Variants in IL12RB2 observed in about 807,000 individuals in gnomAD.
The protein encoded by IL12RB2 is interleukin-12 receptor subunit beta-2.
IL12RB2 carries 82 observed loss-of-function variants against 89.4 expected under a neutral mutation model. The ratio of observed to expected loss-of-function variants is 0.92; its 90% CI spans 0.77 to 1.10. The LOEUF is 1.10. Ranked by LOEUF, IL12RB2 falls within the 50% of genes least tolerant of loss-of-function variation. The pLI, the probability that IL12RB2 is intolerant of heterozygous loss-of-function variation, is 0.00. For synonymous variants in IL12RB2, 368 were observed against 370.1 expected (o/e 0.99, Z 0.07); for missense variants, 963 against 1,031.9 (o/e 0.93, Z 0.92).
At chr1:67,336,187 G>A (rs534558193) in intron 8 of IL12RB2, among the ~76,000 whole-genome samples, 31 of 152,112 alleles carry the variant, frequency 2.0e-4, no homozygotes, top group Non-Finnish European at 4.3e-4. Flanking sequence ...CAGGGTCTTC[G>A]GGGAAAGCAA....
chr1:67,339,292 G>C (rs1659244339), intron 9 of IL12RB2, among the ~76,000 whole-genome samples: 1 of 152,064 alleles, frequency 6.6e-6, no homozygotes, highest in South Asian at 2.1e-4. Flanking sequence ...TTAGAGACCA[G>C]CCTGGCCAGC....
intron 15 of IL12RB2, among the ~76,000 whole-genome samples, chr1:67,388,725 G>C (rs145400989): frequency 6.6e-6 from 1 of 152,124 alleles, no homozygotes; most frequent in Non-Finnish European, 1.5e-5. Flanking sequence ...TATATTTTTA[G>C]AATTTCCTTA....
chr1:67,373,466 C>T (rs1663596494), intron 13 of IL12RB2, among the ~76,000 whole-genome samples: 1 of 152,166 alleles, frequency 6.6e-6, no homozygotes, highest in African/African-American at 2.4e-5. Context: ...TTTTAAATCC[C>T]CACATTTGCA....
chr1:67,349,826 T>G (rs898680809), intron 9 of IL12RB2, among the ~76,000 whole-genome samples: 6 of 152,236 alleles, frequency 3.9e-5, no homozygotes, highest in African/African-American at 1.4e-4. Context: ...GTATGCTAAT[T>G]GTTTCAGAAG....
At chr1:67,395,467 G>A (rs1666276849) in intron 16 of IL12RB2, 80 bp from the exon 17 acceptor site, 3 of 1,612,258 alleles carry the variant, frequency 1.9e-6, no homozygotes, top group Admixed American at 3.3e-5. Flanking sequence ...AGGTTGTGAG[G>A]CCTTTGGGAA....
chr1:67,345,472 C>T (rs1388749133), intron 9 of IL12RB2, among the ~76,000 whole-genome samples: 2 of 152,118 alleles, frequency 1.3e-5, no homozygotes, highest in Non-Finnish European at 2.9e-5. Flanking sequence ...TCTTTGGCCT[C>T]CTCATATGAA....
chr1:67,390,528 T>C lies in IL12RB2; in HGVS notation c.2046+400T>C, dbSNP rs1291292476. On this transcript the variant is annotated intron_variant, in intron 16 of 16. Coordinates refer to ENST00000674203, the MANE Select transcript of IL12RB2 (RefSeq NM_001374259.2). ...TTGAGTCATCCAAAATTCAAGAGAATTGAAGATTTTGATTTTCCTGTCTAA... is the reference window on the plus strand; with the variant it reads ...TTGAGTCATCCAAAATTCAAGAGAACTGAAGATTTTGATTTTCCTGTCTAA... Among the ~76,000 whole-genome samples, 10 of 146,870 alleles carry C rather than the reference T, an allele frequency of 6.8e-5. No homozygotes were observed. In the East Asian group the frequency reaches 2.1e-3, roughly 30 times the overall value.
intron 16 of IL12RB2, among the ~76,000 whole-genome samples, chr1:67,391,406 A>ACACAC (rs1265594501): frequency 5.2e-5 from 7 of 134,462 alleles, no homozygotes; most frequent in African/African-American, 1.2e-4. Flanking sequence ...CACACACACA[A>ACACAC]ACTGCTGTTT....
At chr1:67,310,616 T>C (rs572188347) in intron 1 of IL12RB2, among the ~76,000 whole-genome samples, 1 of 152,230 alleles carries the variant, frequency 6.6e-6, no homozygotes, top group Non-Finnish European at 1.5e-5. Flanking sequence ...TTTTTTCTTA[T>C]AATAATAGCA....
chr1:67,368,171 CT>C (rs1662917869), intron 11 of IL12RB2, 146 bp downstream of exon 11: 1 of 688,220 alleles, frequency 1.5e-6, no homozygotes, highest in Non-Finnish European at 2.6e-6. Flanking sequence ...CCCAGCAGCA[CT>C]TTAGACTACT....
rs147419406 is a variant in IL12RB2, at chr1:67,396,090, G to C, written c.*1G>C. ...GAGGTGTGACTCCCTCATGCTCTGA[G>C]TGGTGAGGCTTCAAGCCTTAAAGTC... is the stretch of plus-strand genomic sequence containing the variant. On this transcript the variant is annotated 3_prime_UTR_variant, in exon 17 of 17. Transcript: ENST00000674203. The C allele has an allele frequency of 2.5e-6, 4 of 1,571,012 alleles. No individual in the cohort carries two copies. The highest frequency in any genetic ancestry group is 1.7e-5 in the Admixed American group (1 of 59,990).
chr1:67,394,984 G>C (rs1296577124), intron 16 of IL12RB2, among the ~76,000 whole-genome samples: 1 of 152,180 alleles, frequency 6.6e-6, no homozygotes, highest in Non-Finnish European at 1.5e-5. Flanking sequence ...CATTAGAAAC[G>C]GGGCTGGGCA....
chr1:67,342,151 C>T (rs1659699477), intron 9 of IL12RB2, among the ~76,000 whole-genome samples: 1 of 152,114 alleles, frequency 6.6e-6, no homozygotes, highest in Non-Finnish European at 1.5e-5. Context: ...GGGCCCAAGT[C>T]ATACCTCACT....
At chr1:67,327,041 A>G (rs548325811) in intron 5 of IL12RB2, among the ~76,000 whole-genome samples, 192 bp downstream of exon 5, 2 of 151,450 alleles carry the variant, frequency 1.3e-5, no homozygotes, top group Non-Finnish European at 1.5e-5. Flanking sequence ...GCTCACTGCA[A>G]CCTCTGCTTC....
chr1:67,377,713 A>C (rs1664128550), intron 13 of IL12RB2, among the ~76,000 whole-genome samples: 1 of 113,600 alleles, frequency 8.8e-6, no homozygotes, highest in South Asian at 3.2e-4. Context: ...TTTCCTTCCC[A>C]GTTTCCCCTC....
intron 10 of IL12RB2, among the ~76,000 whole-genome samples, chr1:67,359,406 T>C (rs1230010302): frequency 6.6e-6 from 1 of 152,174 alleles, no homozygotes; most frequent in Non-Finnish European, 1.5e-5. Flanking sequence ...GAATGAGAGA[T>C]GTAAATTCAA....
chr1:67,351,151 T>C (rs1434033506), intron 10 of IL12RB2, 62 bp downstream of exon 10: 1 of 1,587,336 alleles, frequency 6.3e-7, no homozygotes, highest in Non-Finnish European at 8.6e-7. Context: ...ATCTCTTATC[T>C]CCTGCAGGCC....
intron 13 of IL12RB2, among the ~76,000 whole-genome samples, chr1:67,377,815 A>C (rs1205878335): frequency 6.6e-6 from 1 of 151,960 alleles, no homozygotes; most frequent in Non-Finnish European, 1.5e-5. Flanking sequence ...CAAAGTTGGC[A>C]AAATGAACCT....
At chr1:67,373,869 A>C (rs570148952) in intron 13 of IL12RB2, among the ~76,000 whole-genome samples, 2 of 152,286 alleles carry the variant, frequency 1.3e-5, no homozygotes, top group Non-Finnish European at 2.9e-5. Flanking sequence ...TGCAGGGGTG[A>C]TTTTCACCTG....
Sources: allele counts gnomAD v4.1 joint callset (sites outside exome capture counted in the v4.1 genomes callset), GRCh38; gene constraint gnomAD v4.1.1; transcripts MANE v1.5; gene names NCBI Gene and HGNC (gene_info 2026-07-23, HGNC 2026-07-21).